Variants in GRIA4 observed in about 807,000 individuals in gnomAD.
GRIA4 encodes the protein glutamate ionotropic receptor AMPA type subunit 4, also known as glutamate receptor 4.
In GRIA4, 34 loss-of-function variants were observed where a neutral mutation model predicts 104.0. That is an observed-to-expected ratio of 0.33 (90% confidence interval 0.25 to 0.44). GRIA4 has a LOEUF of 0.44. Among genes scored for constraint, GRIA4 ranks in the 20% least tolerant of loss-of-function variants. The probability of loss-of-function intolerance (pLI) is 1.00; values close to 1 mark genes in which losing one functional copy is unlikely to be tolerated. For missense variants in GRIA4, 750 were observed against 1,096.5 expected (o/e 0.68, Z 4.46); for synonymous variants, 386 against 381.9 (o/e 1.01, Z -0.13).
At chr11:105,754,972 T>C (rs1420355685) in intron 4 of GRIA4, among the ~76,000 whole-genome samples, 1 of 152,220 alleles carries the variant, frequency 6.6e-6, no homozygotes, top group African/African-American at 2.4e-5. Context: ...TTGGCTTGTT[T>C]CCTTTGGTCT....
chr11:105,840,165 C>G (rs1423950709), intron 4 of GRIA4, among the ~76,000 whole-genome samples: 1 of 152,094 alleles, frequency 6.6e-6, no homozygotes, highest in African/African-American at 2.4e-5. Flanking sequence ...TCAAATGATT[C>G]TGATTTCCTT....
chr11:105,664,689 G>A (rs1177378040), intron 3 of GRIA4, among the ~76,000 whole-genome samples: 2 of 151,898 alleles, frequency 1.3e-5, no homozygotes, highest in African/African-American at 4.8e-5. Flanking sequence ...TTATTCTCCT[G>A]TGAAAGACAG....
chr11:105,611,130 G>A, intron 2 of GRIA4, 45 bp downstream of exon 2: 6 of 1,377,906 alleles, frequency 4.4e-6, no homozygotes, highest in Non-Finnish European at 6.2e-6. Flanking sequence ...GGTTGTAGCA[G>A]ATATCCGAAA....
At chr11:105,910,294 CT>C (rs113570660) in intron 9 of GRIA4, 140 bp from the exon 10 acceptor site, 9,657 of 469,186 alleles carry the variant, frequency 0.021, 7 homozygotes, top group South Asian at 0.04. Flanking sequence ...CTTCTGAACA[CT>C]TTTTTTTTTT....
At chr11:105,687,034 A>C (rs1480918002) in intron 3 of GRIA4, among the ~76,000 whole-genome samples, 2 of 152,084 alleles carry the variant, frequency 1.3e-5, no homozygotes, top group African/African-American at 4.8e-5. Flanking sequence ...CTCTGTTGAT[A>C]GTTTCTTTTG....
At chr11:105,951,655 A>T (rs761384492) in intron 14 of GRIA4, among the ~76,000 whole-genome samples, 17 of 152,088 alleles carry the variant, frequency 1.1e-4, no homozygotes, top group East Asian at 3.9e-4. Context: ...ATTTTTTTTT[A>T]AATTTTTATT....
At chr11:105,815,102 T>C (rs1356359038) in intron 4 of GRIA4, among the ~76,000 whole-genome samples, 2 of 152,162 alleles carry the variant, frequency 1.3e-5, no homozygotes, top group Non-Finnish European at 2.9e-5. Context: ...TTTTTGCTTA[T>C]TGAGAGATAG....
intron 5 of GRIA4, among the ~76,000 whole-genome samples, chr11:105,872,289 G>A (rs554150030): frequency 2.6e-5 from 4 of 152,118 alleles, no homozygotes; most frequent in East Asian, 3.9e-4. Flanking sequence ...AAGAAGAAAG[G>A]ACATTCAGAT....
intron 3 of GRIA4, among the ~76,000 whole-genome samples, chr11:105,676,978 T>C (rs1952558575): frequency 6.6e-6 from 1 of 151,956 alleles, no homozygotes; most frequent in South Asian, 2.1e-4. Flanking sequence ...AAGTCACATG[T>C]TTTTAAAAAG....
intron 4 of GRIA4, among the ~76,000 whole-genome samples, chr11:105,786,092 C>T (rs1010339312): frequency 7.0e-6 from 1 of 142,952 alleles, no homozygotes; most frequent in Non-Finnish European, 1.5e-5. Context: ...TGGCAGTGAG[C>T]CGAGATCGAG....
intron 3 of GRIA4, among the ~76,000 whole-genome samples, chr11:105,715,128 G>A (rs553602010): frequency 3.9e-5 from 6 of 152,222 alleles, no homozygotes; most frequent in East Asian, 1.9e-4. Flanking sequence ...GTAAATCAGC[G>A]TAGTCAATAA....
chr11:105,919,004 A>G (rs371888621), intron 11 of GRIA4, 86 bp downstream of exon 11: 1 of 785,210 alleles, frequency 1.3e-6, no homozygotes, highest in Non-Finnish European at 2.2e-6. Context: ...TTAAACGTCT[A>G]TTATTGTTTA....
At chr11:105,630,216 G>A (rs1950997239) in intron 3 of GRIA4, among the ~76,000 whole-genome samples, 1 of 152,166 alleles carries the variant, frequency 6.6e-6, no homozygotes, top group African/African-American at 2.4e-5. Flanking sequence ...GTATTTGTGA[G>A]TAAATTCCTA....
At chr11:105,638,262 T>C (rs1951262618) in intron 3 of GRIA4, among the ~76,000 whole-genome samples, 2 of 152,070 alleles carry the variant, frequency 1.3e-5, no homozygotes, top group Admixed American at 1.3e-4. Flanking sequence ...GTCATGCTGA[T>C]AGGAACAGTG....
chr11:105,754,233 T>C (rs1372429256), intron 4 of GRIA4, among the ~76,000 whole-genome samples: 1 of 152,138 alleles, frequency 6.6e-6, no homozygotes, highest in Non-Finnish European at 1.5e-5. Flanking sequence ...GGTTTAGTAA[T>C]AGTAAGTCAG....
At chr11:105,814,337 T>C (rs1226644363) in intron 4 of GRIA4, among the ~76,000 whole-genome samples, 2 of 152,202 alleles carry the variant, frequency 1.3e-5, no homozygotes, top group African/African-American at 4.8e-5. Context: ...ATTTATGTAA[T>C]GGTACCTCTG....
At chr11:105,875,803 T>G (rs1945797718) in intron 5 of GRIA4, among the ~76,000 whole-genome samples, 1 of 152,208 alleles carries the variant, frequency 6.6e-6, no homozygotes, top group South Asian at 2.1e-4. Flanking sequence ...TTCTTCTCTC[T>G]TTTCTTCTTT....
chr11:105,800,916 T>C (rs1157689768), intron 4 of GRIA4, among the ~76,000 whole-genome samples: 2 of 151,972 alleles, frequency 1.3e-5, no homozygotes, highest in African/African-American at 4.8e-5. Context: ...ATAGGTGCTT[T>C]TTAGGAGATA....
At chr11:105,951,118 T>C (rs1021095108) in intron 14 of GRIA4, among the ~76,000 whole-genome samples, 1 of 152,098 alleles carries the variant, frequency 6.6e-6, no homozygotes, top group Non-Finnish European at 1.5e-5. Context: ...TTGATGAAAG[T>C]TTTTAGGAGT....
Sources: allele counts gnomAD v4.1 joint callset (sites outside exome capture counted in the v4.1 genomes callset), GRCh38; gene constraint gnomAD v4.1.1; transcripts MANE v1.5; gene names NCBI Gene and HGNC (gene_info 2026-07-23, HGNC 2026-07-21).